The following ODF2 variants were observed in gnomAD, a reference collection of about 807,000 sequenced individuals.
ODF2 encodes the protein outer dense fiber protein 2.
ODF2 carries 47 observed loss-of-function variants against 110.2 expected under a neutral mutation model. That is an observed-to-expected ratio of 0.43 (90% CI 0.34 to 0.54). The LOEUF (loss-of-function observed/expected upper bound fraction) is 0.54, where lower values mean the gene tolerates loss of function less well. ODF2 is among the 20% of genes least tolerant of loss of function. The probability of loss-of-function intolerance (pLI) is 0.03; values close to 1 mark genes in which losing one functional copy is unlikely to be tolerated. For synonymous variants in ODF2, 352 were observed against 397.7 expected (o/e 0.89, Z 1.37); for missense variants, 812 against 1,054.5 (o/e 0.77, Z 3.19).
intron 2 of ODF2, chr9:128,457,495 C>T: frequency 6.6e-7 from 1 of 1,522,732 alleles, no homozygotes; most frequent in South Asian, 1.3e-5. Flanking sequence ...GCCAGGGGTC[C>T]CCAGGGCAGG....
rs1455445871 is a variant in ODF2 at position 128,456,563 on chromosome 9, C to T, written c.-209+308C>T. On this transcript the variant is annotated intron_variant, in intron 1 of 20. Transcript: ENST00000604420. Reference sequence around the variant, plus strand: ...TCTCTCTATGGGCAGAAACCGGTACCCTCCTGCCTGCTGGTGGGTGGCCGT... The same window carrying T: ...TCTCTCTATGGGCAGAAACCGGTACTCTCCTGCCTGCTGGTGGGTGGCCGT... The T allele has an allele frequency of 7.9e-6, 12 of 1,527,346 alleles. No individual in the cohort carries two copies. The South Asian group carries it at 1.3e-4, about 17-fold the overall frequency. The allele number at this position is 1,527,346 out of a possible 1,614,324, so 94.6% of individuals were successfully genotyped here.
chr9:128,485,331 T>G lies in ODF2; in HGVS notation c.1291-34T>G. On this transcript the variant is annotated intron_variant, in intron 12 of 20. Transcript: ENST00000604420. The surrounding 1 kb of genome is among the most constrained non-coding windows in gnomAD (Gnocchi z 5.0). Reference sequence around the variant, plus strand: ...CTCCTGGCAGCCTCACCACTGACACTAGGCTAACAGGCCCTTTTGTCCCGT... The same window carrying G: ...CTCCTGGCAGCCTCACCACTGACACGAGGCTAACAGGCCCTTTTGTCCCGT... The G allele has an allele frequency of 8.4e-7, 1 of 1,194,638 alleles. No homozygotes were observed. The highest frequency in any genetic ancestry group is 1.2e-6 in the Non-Finnish European group (1 of 808,072). The allele number at this position is 1,194,638 out of a possible 1,614,324, so 74.0% of individuals were successfully genotyped here.
At chr9:128,498,759 C>T (rs550772261) in intron 19 of ODF2, among the ~76,000 whole-genome samples, 184 bp downstream of exon 19, 8 of 152,350 alleles carry the variant, frequency 5.3e-5, no homozygotes, top group African/African-American at 9.6e-5. Flanking sequence ...CATTTACTCA[C>T]TACCCTCTTG....
At chr9:128,491,242 A>G (rs1040924998) in intron 14 of ODF2, among the ~76,000 whole-genome samples, 1 of 152,066 alleles carries the variant, frequency 6.6e-6, no homozygotes, top group East Asian at 2.0e-4. Context: ...ATGAGGTTTC[A>G]CCATATTGGC....
intron 6 of ODF2, among the ~76,000 whole-genome samples, chr9:128,472,234 G>A (rs1840206158): frequency 6.6e-6 from 1 of 152,168 alleles, no homozygotes; most frequent in African/African-American, 2.4e-5. Flanking sequence ...TTGAGATGGA[G>A]TCTCGCTCTG....
chr9:128,492,736 T>C, exon 16 of ODF2: 1 of 1,614,224 alleles, frequency 6.2e-7, no homozygotes, highest in Non-Finnish European at 8.5e-7. Context: ...ATGAAGTAGC[T>C]GCCCAGCTAG....
At position 128,456,990 on chromosome 9, in the gene ODF2, C is replaced by T. The variant is rs1325207263; in HGVS notation, c.-208-208C>T. On this transcript the variant is annotated intron_variant, in intron 1 of 20. Transcript: ENST00000604420. ...CGGCTCCCTGCGCGGTTCTGGCCCT[C>T]TGGGGCCCACTTGGGGCCGAGCGGT... The T allele has an allele frequency of 5.6e-6, 7 of 1,251,952 alleles. No individual in the cohort carries two copies. In the Admixed American group the frequency reaches 2.1e-4, roughly 37 times the overall value. 77.6% of individuals were successfully genotyped at this position (1,251,952 alleles called of 1,614,324 possible).
chr9:128,460,647 C>T (rs1836201300), intron 3 of ODF2: 1 of 1,614,140 alleles, frequency 6.2e-7, no homozygotes, highest in East Asian at 2.2e-5. Flanking sequence ...CTCCCGAAAC[C>T]ATCAGCGACC....
intron 1 of ODF2, chr9:128,456,792 G>A: frequency 8.0e-7 from 1 of 1,252,236 alleles, no homozygotes. Flanking sequence ...TCCCAGCCCG[G>A]CGTCTATCCT....
chr9:128,494,040 G>A lies in ODF2; in HGVS notation c.1753-470G>A, dbSNP rs149774147. ...GAACTCCTGACCTCAAATAATCTGC[G>A]CCCCTTGGCTTTCCAGAGTGCTAGA... On this transcript the variant is annotated intron_variant, in intron 16 of 20. Coordinates refer to ENST00000604420, the Ensembl canonical transcript of ODF2. This position sits in a 1 kb window ranked among gnomAD's most constrained non-coding sequence, Gnocchi z 4.6. Among the ~76,000 whole-genome samples, 31 of 70,976 alleles carry A rather than the reference G, an allele frequency of 4.4e-4. No homozygotes were observed. The highest frequency in any genetic ancestry group is 1.7e-3 in the African/African-American group (29 of 16,926). The allele number at this position is 70,976 out of a possible 152,430, so 46.6% of individuals were successfully genotyped here.
Position 128,459,672 on chromosome 9 carries a change from C to CAAAG in ODF2, c.123+16_123+17insAAGA. The CAAAG allele has an allele frequency of 6.3e-7, 1 of 1,593,394 alleles. No individual in the cohort carries two copies. The highest frequency in any genetic ancestry group is 8.6e-7 in the Non-Finnish European group (1 of 1,161,636). On this transcript the variant is annotated intron_variant, in intron 3 of 20. Coordinates refer to ENST00000604420, the Ensembl canonical transcript of ODF2. ...TAACTGTGACGGTAGGTGATGCACT[C>CAAAG]ACGTAGCAGCCCTCTTTGGTCACCT... is the stretch of plus-strand genomic sequence containing the variant.
chr9:128,484,605 G>A (rs1253188013), intron 11 of ODF2, 96 bp from the exon 12 acceptor site: 2 of 1,320,478 alleles, frequency 1.5e-6, no homozygotes, highest in Non-Finnish European at 2.1e-6. Context: ...CTTTGCTCTT[G>A]CCTTTTCCTC....
At position 128,468,162 on chromosome 9, in the gene ODF2, A is replaced by T. The variant is rs146392294; in HGVS notation, c.250-1021A>T. ...TCATACAATATCTGGTCCTTTTTCC[A>T]ATTTACCCACTTGTTTCTACAATAC... On this transcript the variant is annotated intron_variant, in intron 4 of 20. Coordinates refer to ENST00000604420, the Ensembl canonical transcript of ODF2. Among the ~76,000 whole-genome samples the T allele has an allele frequency of 2.6e-5, 4 of 152,180 alleles. No individual in the cohort carries two copies. In the East Asian group the frequency reaches 7.7e-4, roughly 29 times the overall value.
At chr9:128,455,553 CAAA>C (rs55634490), upstream of ODF2, among the ~76,000 whole-genome samples, 153 of 56,454 alleles carry the variant, frequency 2.7e-3, no homozygotes, top group South Asian at 5.9e-3. Flanking sequence ...GAATCTGTCT[CAAA>C]AAAAAAAAAA....
intron 3 of ODF2, 93 bp downstream of exon 3, chr9:128,460,759 G>C: frequency 6.4e-7 from 1 of 1,555,572 alleles, no homozygotes; most frequent in Non-Finnish European, 8.8e-7. Context: ...AAAGGTTTGG[G>C]AGACAAACAC....
At chr9:128,480,708 T>G (rs2131957234) in intron 8 of ODF2, among the ~76,000 whole-genome samples, 1 of 152,142 alleles carries the variant, frequency 6.6e-6, no homozygotes, top group Non-Finnish European at 1.5e-5. Flanking sequence ...TCCCAGCTAC[T>G]CGGGAGGCTG....
chr9:128,489,315 T>C (rs994494645), intron 14 of ODF2, among the ~76,000 whole-genome samples: 4 of 152,224 alleles, frequency 2.6e-5, no homozygotes, highest in African/African-American at 4.8e-5. Context: ...GAATAACATA[T>C]GGAAAAGTAC....
intron 18 of ODF2, chr9:128,497,446 A>AAAATATATAT (rs1554857542): frequency 4.7e-5 from 2 of 42,588 alleles, no homozygotes; most frequent in South Asian, 9.5e-4. Context: ...AAAAAAAAAA[A>AAAATATATAT]ATATATATAT....
At chr9:128,497,077 T>C (rs549512603) in intron 18 of ODF2, among the ~76,000 whole-genome samples, 1 of 152,142 alleles carries the variant, frequency 6.6e-6, no homozygotes, top group East Asian at 1.9e-4. Flanking sequence ...GATATAATCC[T>C]GGTAAAGGTC....
Sources: allele counts gnomAD v4.1 joint callset (sites outside exome capture counted in the v4.1 genomes callset), GRCh38; gene constraint gnomAD v4.1.1; non-coding constraint Gnocchi (gnomAD v3.1); transcripts MANE v1.5; gene names NCBI Gene and HGNC (gene_info 2026-07-23, HGNC 2026-07-21).